The following SGK1 variants were observed in gnomAD, a reference collection of about 807,000 sequenced individuals.
SGK1 encodes serum/glucocorticoid regulated kinase 1, also known as serine/threonine-protein kinase Sgk1.
Under a neutral mutation model 64.2 loss-of-function variants are expected in SGK1, and 26 were observed. The ratio of observed to expected loss-of-function variants is 0.40; its 90% CI spans 0.30 to 0.56. SGK1 has a LOEUF of 0.56. Ranked by LOEUF, SGK1 falls within the 20% of genes least tolerant of loss-of-function variation. SGK1 has a pLI of 0.38. For synonymous variants in SGK1, 265 were observed against 239.7 expected (o/e 1.11, Z -0.98); for missense variants, 519 against 645.6 (o/e 0.80, Z 2.12).
intron 1 of SGK1, among the ~76,000 whole-genome samples, chr6:134,267,278 T>C (rs1267660696): frequency 3.3e-5 from 5 of 152,048 alleles, no homozygotes; most frequent in Non-Finnish European, 5.9e-5. Context: ...AATATGTTCA[T>C]AGTGACTTTT....
chr6:134,201,020 G>A (rs1468415574), intron 3 of SGK1, among the ~76,000 whole-genome samples: 1 of 151,594 alleles, frequency 6.6e-6, no homozygotes, highest in African/African-American at 2.4e-5. Context: ...CATAAAAAAT[G>A]ACAAAAACAT....
Position 134,261,925 on chromosome 6 carries a change from G to T in SGK1, c.285+8C>A. 6.3e-7 allele frequency: 1 copy of T among 1,598,102 alleles called. No homozygotes were observed. The highest frequency in any genetic ancestry group is 8.6e-7 in the Non-Finnish European group (1 of 1,165,398). On this transcript the variant is annotated splice_region_variant and intron_variant, in intron 2 of 13. Transcript: ENST00000367858. ...AGGAGAATAGATCCAGAGCGAACAT[G>T]AACTTACTTCACACCCAGATTGAGT...
At position 134,263,015 on chromosome 6, in the gene SGK1, C is replaced by T. The variant is rs542072714; in HGVS notation, c.70-867G>A. 2.0e-5 allele frequency among the ~76,000 whole-genome samples: 3 copies of T among 152,068 alleles called. No homozygotes were observed. In the South Asian group the frequency reaches 6.2e-4, roughly 32 times the overall value. ...TCAGGTAATAATATTTCCTCCCAAGCTGTGAAAATGCTACCATGTTTTACA... is the reference window on the plus strand; with the variant it reads ...TCAGGTAATAATATTTCCTCCCAAGTTGTGAAAATGCTACCATGTTTTACA... On this transcript the variant is annotated intron_variant, in intron 1 of 13. Transcript: ENST00000367858.
intron 3 of SGK1, among the ~76,000 whole-genome samples, chr6:134,178,875 AC>A (rs1280982255): frequency 6.6e-6 from 1 of 151,696 alleles, no homozygotes; most frequent in East Asian, 1.9e-4. Flanking sequence ...TGCAGTCAAA[AC>A]CCTCAAGTAG....
At chr6:134,301,798 T>C (rs1777462130) in intron 1 of SGK1, among the ~76,000 whole-genome samples, 2 of 152,078 alleles carry the variant, frequency 1.3e-5, no homozygotes, top group Non-Finnish European at 2.9e-5. Flanking sequence ...GGTCTTGCTG[T>C]GTTGCCCAGG....
At position 134,172,722 on chromosome 6, in the gene SGK1, A is replaced by C. The variant is rs1775070953; in HGVS notation, c.887T>G (p.Phe296Cys). The C allele has an allele frequency of 6.2e-7, 1 of 1,614,080 alleles. No individual in the cohort carries two copies. Among genetic ancestry groups the C allele is most frequent in the Non-Finnish European group, 8.5e-7 (1 of 1,180,014 alleles). Residue 296 changes from phenylalanine (F) to cysteine (C), a missense_variant, in exon 9 of 14, where the codon TTC (phenylalanine) becomes TGC (cysteine). Phe to Cys is a radical substitution (Grantham distance 205). Coordinates refer to ENST00000367858, the MANE Select transcript of SGK1 (RefSeq NM_001143676.3). Reference protein sequence around the residue: ...ERCFLEPRARFYAAEIASALG... With the variant: ...ERCFLEPRARCYAAEIASALG... ...GGCACTGGCTATTTCAGCAGCATAG[A>C]AACGAGCCCGTGGTTCCAGGAAGCA...
At chr6:134,278,194 A>C (rs989747746) in intron 1 of SGK1, among the ~76,000 whole-genome samples, 3 of 152,218 alleles carry the variant, frequency 2.0e-5, no homozygotes, top group Non-Finnish European at 4.4e-5. Flanking sequence ...CAAATGATCA[A>C]ATGACATTTG....
At chr6:134,224,527 G>A (rs925978157) in intron 2 of SGK1, among the ~76,000 whole-genome samples, 1 of 152,124 alleles carries the variant, frequency 6.6e-6, no homozygotes, top group African/African-American at 2.4e-5. Flanking sequence ...ATTTTCCACA[G>A]CATTTCCATG....
At chr6:134,287,444 C>CTT (rs761885493) in intron 1 of SGK1, among the ~76,000 whole-genome samples, 6 of 104,864 alleles carry the variant, frequency 5.7e-5, no homozygotes, top group African/African-American at 1.8e-4. Context: ...GATAAGAAGG[C>CTT]TTTTTTTTTT....
At chr6:134,242,134 C>T (rs1776457627) in intron 2 of SGK1, among the ~76,000 whole-genome samples, 1 of 152,078 alleles carries the variant, frequency 6.6e-6, no homozygotes, top group Admixed American at 6.6e-5. Context: ...AAGCAATGAC[C>T]AACGTGCTGG....
chr6:134,213,615 A>AAAATAAATAAAT (rs55961271), intron 2 of SGK1, among the ~76,000 whole-genome samples: 51,517 of 122,806 alleles, frequency 0.42, 11,466 homozygotes, highest in South Asian at 0.58. Flanking sequence ...ACTCTGTCTC[A>AAAATAAATAAAT]AAATAAATAA....
chr6:134,288,712 C>CT (rs11405163), intron 1 of SGK1, among the ~76,000 whole-genome samples: 98,598 of 151,788 alleles, frequency 0.65, 32,636 homozygotes, highest in East Asian at 0.91. Context: ...GTTCTAAATA[C>CT]TTTTTTTTCC....
At chr6:134,254,736 AAC>A (rs768747630) in intron 2 of SGK1, among the ~76,000 whole-genome samples, 1 of 152,206 alleles carries the variant, frequency 6.6e-6, no homozygotes, top group East Asian at 1.9e-4. Flanking sequence ...CTCATAGATA[AAC>A]ACACATATAT....
chr6:134,279,785 A>C (rs1229480937), intron 1 of SGK1, among the ~76,000 whole-genome samples: 1 of 152,210 alleles, frequency 6.6e-6, no homozygotes, highest in Non-Finnish European at 1.5e-5. Flanking sequence ...CTCAAAAAGA[A>C]TCAGGTATTG....
intron 1 of SGK1, among the ~76,000 whole-genome samples, chr6:134,268,313 G>GCTCCTGGGC (rs1193154747): frequency 1.7e-4 from 26 of 152,338 alleles, no homozygotes; most frequent in African/African-American, 5.8e-4. Context: ...GGCAGCCTGG[G>GCTCCTGGGC]CTCCTGGGCC....
At chr6:134,206,927 T>G (rs1582710752) in intron 3 of SGK1, among the ~76,000 whole-genome samples, 2 of 140,842 alleles carry the variant, frequency 1.4e-5, no homozygotes. Context: ...TTGGGTTAGG[T>G]AAGAATAAAT....
At chr6:134,203,667 A>G (rs893403520) in intron 3 of SGK1, among the ~76,000 whole-genome samples, 5 of 152,246 alleles carry the variant, frequency 3.3e-5, no homozygotes, top group African/African-American at 1.2e-4. Context: ...GGCTGTATCT[A>G]TCAGAAGAAA....
chr6:134,214,101 T>TTG (rs1775938252), intron 2 of SGK1, among the ~76,000 whole-genome samples: 35 of 152,046 alleles, frequency 2.3e-4, no homozygotes, highest in Admixed American at 2.2e-3. Context: ...TTTTTTTTTT[T>TTG]GTAGAGACGG....
intron 3 of SGK1, chr6:134,177,849 C>G (rs1775272995): frequency 6.3e-7 from 1 of 1,599,256 alleles, no homozygotes; most frequent in Non-Finnish European, 8.5e-7. Flanking sequence ...GACGGCTATC[C>G]CTGTTCTGTT....
Sources: gnomAD v4.1 joint callset for allele counts (sites outside exome capture counted in the v4.1 genomes callset) on GRCh38, gnomAD v4.1.1 for gene constraint, MANE v1.5 for transcripts, NCBI Gene and HGNC (gene_info 2026-07-23, HGNC 2026-07-21) for gene names.